CEP85L: variants seen among roughly 807,000 people sequenced by gnomAD.
CEP85L encodes centrosomal protein of 85 kDa-like.
CEP85L carries 60 observed loss-of-function variants against 100.3 expected under a neutral mutation model. The ratio of observed to expected loss-of-function variants is 0.60; its 90% CI spans 0.49 to 0.74. The LOEUF (loss-of-function observed/expected upper bound fraction) is 0.74. Ranked by LOEUF, CEP85L falls within the 30% of genes least tolerant of loss-of-function variation. CEP85L has a pLI of 0.00. For synonymous variants in CEP85L, 319 were observed against 322.7 expected (o/e 0.99, Z 0.12); for missense variants, 973 against 936.2 (o/e 1.04, Z -0.51).
chr6:118,546,720 T>TCG (rs1041085375), intron 3 of CEP85L, among the ~76,000 whole-genome samples: 4 of 152,132 alleles, frequency 2.6e-5, no homozygotes, highest in African/African-American at 9.7e-5. Context: ...ACTGTAAACC[T>TCG]CGTTAGGCTT....
intron 4 of CEP85L, 38 bp from the exon 5 acceptor site, chr6:118,511,453 A>G (rs772676504): frequency 1.5e-6 from 2 of 1,329,176 alleles, no homozygotes; most frequent in South Asian, 2.4e-5. Context: ...ATGAGTTATA[A>G]TTTTCTAATA....
rs557468550 is a variant in CEP85L at position 118,501,303 on chromosome 6, C to T, written c.1258-9438G>A. On this transcript the variant is annotated intron_variant, in intron 5 of 12. Transcript: ENST00000368491. ...GGTGCCACTTCTGGTCCAGGCCAGG[C>T]GAGGTGGAGGACAGGAGCAGGGCCT... 1.1e-4 allele frequency: 40 copies of T among 365,238 alleles called. No homozygotes were observed. In the Middle Eastern group the frequency reaches 2.9e-3, roughly 27 times the overall value. The allele number at this position is 365,238 out of a possible 1,614,324, so 22.6% of individuals were successfully genotyped here.
rs1206964481 is a variant in CEP85L at position 118,461,431 on chromosome 6, A to C, written c.*3974T>G. On this transcript the variant is annotated 3_prime_UTR_variant, in exon 13 of 13. Coordinates refer to ENST00000368491, the MANE Select transcript of CEP85L (RefSeq NM_001042475.3). ...CTTTAAAAAAAAAAATTCCTTAATC[A>C]AGTTTATATACAGAAGAACAAGGTG... 1 of 152,036 alleles carries C rather than the reference A, an allele frequency of 6.6e-6. No homozygotes were observed. The highest frequency in any genetic ancestry group is 1.9e-4 in the East Asian group (1 of 5,190). The allele number at this position is 152,036 out of a possible 1,614,324, so 9.4% of individuals were successfully genotyped here.
chr6:118,691,564 C>A (rs2114314494), intron 1 of CEP85L, among the ~76,000 whole-genome samples: 1 of 138,626 alleles, frequency 7.2e-6, no homozygotes, highest in South Asian at 2.3e-4. Context: ...GAAACCCTGT[C>A]TCTACTAAAA....
chr6:118,709,532 C>CGTGCGTGTGTGTGTGT (rs1554249251), intron 1 of CEP85L, among the ~76,000 whole-genome samples: 2 of 87,158 alleles, frequency 2.3e-5, no homozygotes, highest in Admixed American at 2.9e-4. Flanking sequence ...CAACAATTGG[C>CGTGCGTGTGTGTGTGT]GTGTGTGTGT....
chr6:118,554,652 T>C (rs1469426919), intron 3 of CEP85L, among the ~76,000 whole-genome samples: 1 of 152,192 alleles, frequency 6.6e-6, no homozygotes, highest in Non-Finnish European at 1.5e-5. Context: ...CTGACAGATA[T>C]CCTCATATAG....
chr6:118,621,794 A>G (rs1483821476), intron 2 of CEP85L, among the ~76,000 whole-genome samples: 3 of 152,224 alleles, frequency 2.0e-5, no homozygotes, highest in Non-Finnish European at 4.4e-5. Context: ...AAACAGTTGC[A>G]GGGATTCCTT....
intron 9 of CEP85L, 33 bp downstream of exon 9, chr6:118,480,363 A>G: frequency 8.3e-7 from 1 of 1,203,234 alleles, no homozygotes; most frequent in Non-Finnish European, 1.2e-6. Context: ...CATAGCATAG[A>G]TTTCACGTTT....
At chr6:118,664,834 T>C (rs1286504687) in intron 1 of CEP85L, among the ~76,000 whole-genome samples, 1 of 152,196 alleles carries the variant, frequency 6.6e-6, no homozygotes, top group Non-Finnish European at 1.5e-5. Context: ...ATCTCGGTAG[T>C]CACTTACTGG....
chr6:118,488,549 T>G (rs765951611), intron 6 of CEP85L, among the ~76,000 whole-genome samples: 2 of 151,860 alleles, frequency 1.3e-5, no homozygotes, highest in Non-Finnish European at 2.9e-5. Flanking sequence ...AAAACACCAT[T>G]AAGCGGACAA....
intron 2 of CEP85L, among the ~76,000 whole-genome samples, chr6:118,585,820 C>T (rs1780825141): frequency 6.6e-6 from 1 of 152,144 alleles, no homozygotes; most frequent in African/African-American, 2.4e-5. Context: ...CCTCCTCAAA[C>T]CCAAAGAACA....
At chr6:118,469,892 C>A (rs1430991241) in intron 11 of CEP85L, among the ~76,000 whole-genome samples, 1 of 152,102 alleles carries the variant, frequency 6.6e-6, no homozygotes, top group African/African-American at 2.4e-5. Context: ...CAGGTGTGAG[C>A]CACCATACCC....
chr6:118,572,939 CT>C (rs775690729), intron 2 of CEP85L, among the ~76,000 whole-genome samples: 3 of 151,140 alleles, frequency 2.0e-5, no homozygotes, highest in Non-Finnish European at 3.0e-5. Context: ...GTGCACGCCT[CT>C]AATACCAGCT....
chr6:118,709,756 G>A (rs1427807015), intron 1 of CEP85L, among the ~76,000 whole-genome samples: 2 of 152,086 alleles, frequency 1.3e-5, no homozygotes, highest in African/African-American at 2.4e-5. Flanking sequence ...GCTCTGCAAA[G>A]ACCATTTGCC....
At position 118,465,453 on chromosome 6, in the gene CEP85L, T is replaced by C. The variant is rs1433251477; in HGVS notation, c.2370A>G (p.Ile790Met). 3.1e-6 allele frequency: 5 copies of C among 1,613,610 alleles called. No individual in the cohort carries two copies. In the Admixed American group the frequency reaches 5.0e-5, roughly 16 times the overall value. Residue 790 changes from isoleucine to methionine, a missense_variant, in exon 13 of 13, where the codon ATA (isoleucine) becomes ATG (methionine). Ile to Met is a conservative substitution (Grantham distance 10). This residue lies in a region of CEP85L where 890 missense variants were observed against 844.5 expected (regional missense o/e 1.05). Coordinates refer to ENST00000368491, the MANE Select transcript of CEP85L (RefSeq NM_001042475.3). ...CCATGTCCTGAGCATAGCGGTCTGA[T>C]ATTGTAGTCCTTAATTCATCAATGT... ...RRDIDELRTTISDRYAQDMGD... is the reference protein window; with the variant it reads ...RRDIDELRTTMSDRYAQDMGD...
chr6:118,589,522 T>A (rs550495324), intron 2 of CEP85L: 1 of 253,404 alleles, frequency 3.9e-6, no homozygotes, highest in East Asian at 1.1e-4. Flanking sequence ...CTGAGAAGAC[T>A]AACAAGACAT....
chr6:118,568,560 G>A (rs975745985), intron 2 of CEP85L, among the ~76,000 whole-genome samples: 3 of 152,122 alleles, frequency 2.0e-5, no homozygotes, highest in South Asian at 2.1e-4. Flanking sequence ...ATCTTCAAAC[G>A]CTCTGCTAAG....
At chr6:118,705,632 A>T (rs1777570636) in intron 1 of CEP85L, among the ~76,000 whole-genome samples, 1 of 152,214 alleles carries the variant, frequency 6.6e-6, no homozygotes, top group South Asian at 2.1e-4. Context: ...CAATACAAGA[A>T]ATCATTATGT....
At chr6:118,598,612 G>T (rs1583138832) in intron 2 of CEP85L, among the ~76,000 whole-genome samples, 2 of 152,164 alleles carry the variant, frequency 1.3e-5, no homozygotes, top group African/African-American at 2.4e-5. Context: ...ACTAAGGACT[G>T]CCAGTAAGCA....
Sources: gnomAD v4.1 joint callset for allele counts (sites outside exome capture counted in the v4.1 genomes callset) on GRCh38, gnomAD v4.1.1 for gene constraint, gnomAD v4.1.1 regional missense constraint, MANE v1.5 for transcripts, NCBI Gene and HGNC (gene_info 2026-07-23, HGNC 2026-07-21) for gene names.